ARK2C: variants seen among roughly 807,000 people sequenced by gnomAD.
The protein encoded by ARK2C is E3 ubiquitin-protein ligase ARK2C.
chr18:46,425,223 C>T, the ARK2C span, among the ~76,000 whole-genome samples: 4 of 152,276 alleles, frequency 2.6e-5, no homozygotes, highest in South Asian at 8.3e-4. Context: ...TCCGGGGAAC[C>T]CCAGAGAAGC....
At chr18:46,406,034 C>T in the ARK2C span, among the ~76,000 whole-genome samples, 1 of 152,104 alleles carries the variant, frequency 6.6e-6, no homozygotes. Context: ...GTGTGTACAC[C>T]CTTACACACC....
At chr18:46,347,753 T>G in the ARK2C span, among the ~76,000 whole-genome samples, 1 of 152,060 alleles carries the variant, frequency 6.6e-6, no homozygotes, top group Non-Finnish European at 1.5e-5. Context: ...CTTTGAATTT[T>G]ATAAGGGAAA....
chr18:46,373,696 T>C, the ARK2C span, among the ~76,000 whole-genome samples: 168 of 152,308 alleles, frequency 1.1e-3, no homozygotes, highest in Admixed American at 4.0e-3. Context: ...AATGGCACTT[T>C]ACAACTCTTA....
the ARK2C span, chr18:46,455,835 A>AAAAAC: frequency 3.0e-5 from 18 of 603,096 alleles, no homozygotes; most frequent in South Asian, 3.6e-4. Context: ...AATCAGTCTC[A>AAAAAC]AAAACAAAAC....
At chr18:46,413,813 C>G in the ARK2C span, among the ~76,000 whole-genome samples, 1 of 152,148 alleles carries the variant, frequency 6.6e-6, no homozygotes, top group Non-Finnish European at 1.5e-5. Context: ...GATGTACATA[C>G]AGAGAAAAAC....
the ARK2C span, among the ~76,000 whole-genome samples, chr18:46,423,420 A>G: frequency 1.3e-5 from 2 of 152,208 alleles, no homozygotes; most frequent in East Asian, 3.8e-4. Context: ...TTTCTTGGTT[A>G]CTGTCATAGG....
chr18:46,399,230 G>A, the ARK2C span, among the ~76,000 whole-genome samples: 1 of 152,232 alleles, frequency 6.6e-6, no homozygotes. Flanking sequence ...CACACAGGCG[G>A]TGGGGGTGGG....
the ARK2C span, among the ~76,000 whole-genome samples, chr18:46,360,177 T>C: frequency 6.6e-6 from 1 of 151,916 alleles, no homozygotes; most frequent in African/African-American, 2.4e-5. Context: ...TCCTCTCTCC[T>C]GGCAGTGTGG....
the ARK2C span, among the ~76,000 whole-genome samples, chr18:46,398,636 T>C: frequency 1.1e-4 from 16 of 151,976 alleles, no homozygotes; most frequent in Admixed American, 9.8e-4. Flanking sequence ...CACCATGGGT[T>C]GGTGGGTCTG....
the ARK2C span, among the ~76,000 whole-genome samples, chr18:46,440,380 C>T: frequency 6.6e-6 from 1 of 152,116 alleles, no homozygotes. Flanking sequence ...CTTACTGTGC[C>T]TAATTTATAA....
the ARK2C span, among the ~76,000 whole-genome samples, chr18:46,397,997 T>A: frequency 2.8e-5 from 4 of 142,424 alleles, no homozygotes; most frequent in African/African-American, 8.0e-5. Flanking sequence ...TGTGAGGGTG[T>A]GTGTGCATGT....
the ARK2C span, among the ~76,000 whole-genome samples, chr18:46,363,575 T>C: frequency 6.6e-6 from 1 of 152,162 alleles, no homozygotes; most frequent in Non-Finnish European, 1.5e-5. Context: ...TCCTGTGTGC[T>C]GGTTGATGTC....
the ARK2C span, among the ~76,000 whole-genome samples, chr18:46,410,046 T>A: frequency 9.9e-5 from 15 of 152,194 alleles, no homozygotes; most frequent in African/African-American, 3.6e-4. Flanking sequence ...CAAATTATAA[T>A]CTTACTGCCA....
At chr18:46,396,117 C>A in the ARK2C span, among the ~76,000 whole-genome samples, 1 of 152,192 alleles carries the variant, frequency 6.6e-6, no homozygotes, top group Non-Finnish European at 1.5e-5. Flanking sequence ...ATGCAAGACC[C>A]TTTGGGGCTT....
the ARK2C span, among the ~76,000 whole-genome samples, chr18:46,425,946 T>C: frequency 6.6e-6 from 1 of 152,190 alleles, no homozygotes; most frequent in Non-Finnish European, 1.5e-5. Flanking sequence ...TCCTCATAGA[T>C]GGTTCCTTCC....
the ARK2C span, among the ~76,000 whole-genome samples, chr18:46,369,712 G>A: frequency 1.3e-5 from 2 of 152,058 alleles, no homozygotes; most frequent in Admixed American, 6.6e-5. Flanking sequence ...AACCCTAAAG[G>A]TAACTCATAA....
the ARK2C span, among the ~76,000 whole-genome samples, chr18:46,368,482 G>T: frequency 6.6e-6 from 1 of 152,158 alleles, no homozygotes; most frequent in Non-Finnish European, 1.5e-5. Flanking sequence ...CTTCCCTGTG[G>T]GTCTGCGTGT....
At chr18:46,364,356 G>A in the ARK2C span, among the ~76,000 whole-genome samples, 72,236 of 150,750 alleles carry the variant, frequency 0.48, 19,110 homozygotes, top group African/African-American at 0.71. Flanking sequence ...AAAATTCACA[G>A]AAGTTAACAA....
At chr18:46,388,746 T>C in the ARK2C span, among the ~76,000 whole-genome samples, 1 of 152,078 alleles carries the variant, frequency 6.6e-6, no homozygotes, top group African/African-American at 2.4e-5. Context: ...GAAGGTGGGC[T>C]CAGGATAAAT....
Sources: gnomAD v4.1 joint callset for allele counts (sites outside exome capture counted in the v4.1 genomes callset) on GRCh38, gnomAD v4.1.1 for gene constraint, MANE v1.5 for transcripts, NCBI Gene and HGNC (gene_info 2026-07-23, HGNC 2026-07-21) for gene names.